The following CSMD3 variants were observed in gnomAD, a reference collection of about 807,000 sequenced individuals.
The protein encoded by CSMD3 is CUB and Sushi multiple domains 3.
CSMD3 carries 177 observed loss-of-function variants against 435.2 expected under a neutral mutation model. That is an observed-to-expected ratio of 0.41 (90% CI 0.36 to 0.46). The LOEUF (loss-of-function observed/expected upper bound fraction) is 0.46, where lower values mean the gene tolerates loss of function less well. CSMD3 is among the 20% of genes least tolerant of loss of function. The pLI is 0.34. For missense variants in CSMD3, 4,265 were observed against 4,504.6 expected, an observed-to-expected ratio of 0.95 and a Z score of 1.52; for synonymous variants, 1,656 against 1,520.5, an observed-to-expected ratio of 1.09 and a Z score of -2.07.
intron 1 of CSMD3, among the ~76,000 whole-genome samples, chr8:113,421,216 T>A (rs1260843334): frequency 6.6e-6 from 1 of 152,066 alleles, no homozygotes; most frequent in Non-Finnish European, 1.5e-5. Flanking sequence ...CAATCACATA[T>A]GAAAGGAATT....
intron 13 of CSMD3, among the ~76,000 whole-genome samples, chr8:112,764,572 T>C (rs1587220702): frequency 6.6e-6 from 1 of 151,618 alleles, no homozygotes; most frequent in African/African-American, 2.4e-5. Context: ...GTTCAAAAAC[T>C]TTTCATTTGT....
intron 45 of CSMD3, among the ~76,000 whole-genome samples, chr8:112,324,582 G>GTGTGTGTGTGT (rs375902979): frequency 1.3e-5 from 2 of 149,168 alleles, no homozygotes; most frequent in Non-Finnish European, 3.0e-5. Flanking sequence ...TGTGTGTGTG[G>GTGTGTGTGTGT]GTGTGTGTGT....
intron 5 of CSMD3, among the ~76,000 whole-genome samples, chr8:113,096,050 T>G (rs981941275): frequency 4.6e-5 from 7 of 152,146 alleles, no homozygotes; most frequent in Admixed American, 2.6e-4. Context: ...TTTTTTAAAT[T>G]TAATAATCAC....
intron 7 of CSMD3, among the ~76,000 whole-genome samples, chr8:112,967,326 T>C (rs768195735): frequency 1.3e-5 from 2 of 152,000 alleles, no homozygotes; most frequent in Admixed American, 6.6e-5. Flanking sequence ...TGTCCACCAA[T>C]GGTTTAGATA....
chr8:113,123,848 C>A (rs1029185384), intron 4 of CSMD3, among the ~76,000 whole-genome samples: 4 of 151,912 alleles, frequency 2.6e-5, no homozygotes, highest in African/African-American at 4.8e-5. Context: ...AGCTCTGGAT[C>A]CATTCCACCA....
chr8:112,388,553 A>T (rs1405404791), intron 36 of CSMD3, among the ~76,000 whole-genome samples: 2 of 152,164 alleles, frequency 1.3e-5, no homozygotes, highest in Non-Finnish European at 2.9e-5. Flanking sequence ...GTTCTGAGAA[A>T]GAGAACACTG....
chr8:112,660,096 A>T (rs901180291), intron 17 of CSMD3, among the ~76,000 whole-genome samples: 7 of 152,172 alleles, frequency 4.6e-5, no homozygotes. Context: ...AGCTTCTTCA[A>T]GAATATTCTC....
At chr8:112,832,022 T>A (rs1001875819) in intron 11 of CSMD3, among the ~76,000 whole-genome samples, 1 of 152,170 alleles carries the variant, frequency 6.6e-6, no homozygotes, top group Non-Finnish European at 1.5e-5. Context: ...TTAGATTATT[T>A]ATAAGAAAAG....
At chr8:113,362,128 T>C (rs1054812497) in intron 1 of CSMD3, among the ~76,000 whole-genome samples, 1 of 152,272 alleles carries the variant, frequency 6.6e-6, no homozygotes, top group Non-Finnish European at 1.5e-5. Context: ...GCATTGAACA[T>C]ACAAGTCCAG....
chr8:112,449,427 G>T (rs1407849696), intron 32 of CSMD3, among the ~76,000 whole-genome samples: 1 of 152,050 alleles, frequency 6.6e-6, no homozygotes, highest in African/African-American at 2.4e-5. Context: ...AGTGAGGTTG[G>T]GGGCAGGGTA....
intron 3 of CSMD3, among the ~76,000 whole-genome samples, chr8:113,215,031 A>T (rs542670441): frequency 6.6e-6 from 1 of 152,054 alleles, no homozygotes; most frequent in African/African-American, 2.4e-5. Context: ...TAAATATTTC[A>T]TAGAAACATG....
intron 5 of CSMD3, among the ~76,000 whole-genome samples, chr8:113,020,085 C>T (rs371017310): frequency 1.4e-5 from 2 of 146,998 alleles, no homozygotes; most frequent in Non-Finnish European, 3.0e-5. Context: ...ATGGCGTGAA[C>T]CCGGGAAGCG....
At chr8:112,536,457 C>G (rs1826090697) in intron 27 of CSMD3, among the ~76,000 whole-genome samples, 1 of 152,128 alleles carries the variant, frequency 6.6e-6, no homozygotes, top group South Asian at 2.1e-4. Flanking sequence ...AAATGCAAAT[C>G]AAAACCACAA....
chr8:113,228,410 T>C (rs984689443), intron 3 of CSMD3, among the ~76,000 whole-genome samples: 3 of 151,610 alleles, frequency 2.0e-5, no homozygotes, highest in Non-Finnish European at 4.4e-5. Flanking sequence ...ACTCTAATAG[T>C]TCTATGTTTA....
intron 3 of CSMD3, among the ~76,000 whole-genome samples, chr8:113,191,865 C>T (rs1276828823): frequency 6.6e-6 from 1 of 151,716 alleles, no homozygotes; most frequent in Non-Finnish European, 1.5e-5. Context: ...GTTTGCATTC[C>T]CTCCAATGCA....
At chr8:113,373,039 G>A (rs930982223) in intron 1 of CSMD3, among the ~76,000 whole-genome samples, 9 of 151,852 alleles carry the variant, frequency 5.9e-5, no homozygotes, top group Non-Finnish European at 1.0e-4. Flanking sequence ...TCTATCTAAT[G>A]GTATAAAATA....
intron 10 of CSMD3, among the ~76,000 whole-genome samples, chr8:112,891,528 G>C (rs2081790408): frequency 1.3e-5 from 2 of 151,540 alleles, no homozygotes; most frequent in South Asian, 4.1e-4. Flanking sequence ...AGCTTGAAGG[G>C]AGAGGGTTCT....
intron 45 of CSMD3, among the ~76,000 whole-genome samples, chr8:112,334,309 A>G (rs1356507122): frequency 6.6e-6 from 1 of 152,198 alleles, no homozygotes; most frequent in Non-Finnish European, 1.5e-5. Flanking sequence ...ACTAGATCCC[A>G]TGTGCTTTAA....
In CSMD3 at chr8:112,341,452, T is replaced by G. The variant is rs1825107332; in HGVS notation, c.6652+25A>C. 2.1e-6 allele frequency: 3 copies of G among 1,453,328 alleles called. No individual in the cohort carries two copies. In the East Asian group the frequency reaches 6.8e-5, roughly 33 times the overall value. The allele number at this position is 1,453,328 out of a possible 1,614,324, so 90.0% of individuals were successfully genotyped here. On this transcript the variant is annotated intron_variant, in intron 42 of 70. Coordinates refer to ENST00000297405, the MANE Select transcript of CSMD3 (RefSeq NM_198123.2). The stretch of plus-strand genomic sequence containing the variant: ...ATAGCTGATTTGGGGTTATATAAAT[T>G]TTCATTTTTTATTATTTCTCTTACC...
Sources: allele counts gnomAD v4.1 joint callset (sites outside exome capture counted in the v4.1 genomes callset), GRCh38; gene constraint gnomAD v4.1.1; transcripts MANE v1.5; gene names NCBI Gene and HGNC (gene_info 2026-07-23, HGNC 2026-07-21).